The following ZC3H14 variants were observed in gnomAD, a reference collection of about 807,000 sequenced individuals.
ZC3H14 encodes zinc finger CCCH domain-containing protein 14.
A neutral mutation model predicts 92.4 loss-of-function variants in ZC3H14; 31 were observed. That is an observed-to-expected ratio of 0.34 (90% CI 0.25 to 0.45). ZC3H14 has a LOEUF of 0.45. Ranked by LOEUF, ZC3H14 falls within the 20% of genes least tolerant of loss-of-function variation. ZC3H14 has a pLI of 1.00. For missense variants in ZC3H14, 781 were observed against 897.3 expected, an observed-to-expected ratio of 0.87 and a Z score of 1.66; for synonymous variants, 321 against 300.9, an observed-to-expected ratio of 1.07 and a Z score of -0.69.
chr14:88,615,780 G>A lies in ZC3H14; in HGVS notation c.*4029G>A, dbSNP rs1326608537. 6.9e-6 allele frequency: 11 copies of A among 1,598,672 alleles called. No homozygotes were observed. Among genetic ancestry groups the A allele is most frequent in the South Asian group, 2.3e-5 (2 of 87,764 alleles). ...TTTGGTTTTTCTTCTCTGTAATTCT[G>A]GTCTCAAAGTTAATTTCTGTAGTCA... On this transcript the variant is annotated 3_prime_UTR_variant, in exon 17 of 17. Coordinates refer to ENST00000251038, the MANE Select transcript of ZC3H14 (RefSeq NM_024824.5).
chr14:88,597,912 T>A (rs1256253195), intron 10 of ZC3H14, among the ~76,000 whole-genome samples: 1 of 152,248 alleles, frequency 6.6e-6, no homozygotes, highest in African/African-American at 2.4e-5. Context: ...GGCTTATGAA[T>A]GACTGCAGTC....
chr14:88,594,329 A>G, intron 9 of ZC3H14: 1 of 933,138 alleles, frequency 1.1e-6, no homozygotes, highest in East Asian at 9.4e-5. Flanking sequence ...TAAATAATAG[A>G]AAATTCTTTG....
chr14:88,620,712 A>G lies in ZC3H14; in HGVS notation c.*8961A>G. 1 of 1,418,214 alleles carries G rather than the reference A, an allele frequency of 7.1e-7. No individual in the cohort carries two copies. The highest frequency in any genetic ancestry group is 9.2e-7 in the Non-Finnish European group (1 of 1,083,960). The allele number at this position is 1,418,214 out of a possible 1,614,324, so 87.9% of individuals were successfully genotyped here. ...GGAAAATTTTACAAATGGAAGTTAAATCAAGTATATACTAGAAACTCTATT... is the reference window on the plus strand; with the variant it reads ...GGAAAATTTTACAAATGGAAGTTAAGTCAAGTATATACTAGAAACTCTATT... On this transcript the variant is annotated 3_prime_UTR_variant, in exon 17 of 17. Transcript: ENST00000251038. This position sits in a 1 kb window ranked among gnomAD's most constrained non-coding sequence, Gnocchi z 4.3.
In ZC3H14 at chr14:88,571,134, AT is replaced by A; in HGVS notation, c.235+11del. ...CGCTCTGTTACAACTGGTAAGATTC[AT>A]AACTTTTTTTTTTAATTTCTGCTTG... On this transcript the variant is annotated intron_variant, in intron 4 of 16. Coordinates refer to ENST00000251038, the MANE Select transcript of ZC3H14 (RefSeq NM_024824.5). 6.5e-7 allele frequency: 1 copy of A among 1,527,390 alleles called. No homozygotes were observed. Among genetic ancestry groups the A allele is most frequent in the Non-Finnish European group, 8.9e-7 (1 of 1,129,004 alleles). The allele number at this position is 1,527,390 out of a possible 1,614,324, so 94.6% of individuals were successfully genotyped here.
chr14:88,608,398 GTGTC>G (rs1404618070), intron 13 of ZC3H14: 5 of 423,238 alleles, frequency 1.2e-5, no homozygotes, highest in Non-Finnish European at 2.3e-5. Context: ...TTTCAGTTTA[GTGTC>G]TGTATCTTAC....
At chr14:88,563,367 A>C in intron 1 of ZC3H14, 198 bp downstream of exon 1, 1 of 1,444,268 alleles carries the variant, frequency 6.9e-7, no homozygotes, top group Non-Finnish European at 9.0e-7. Flanking sequence ...CTGCGGCTGA[A>C]GTAGCCGCCG....
At chr14:88,581,051 T>C (rs1244872139) in intron 9 of ZC3H14, among the ~76,000 whole-genome samples, 2 of 152,232 alleles carry the variant, frequency 1.3e-5, no homozygotes, top group African/African-American at 4.8e-5. Flanking sequence ...CCATGAACTT[T>C]TCTTAGGAAA....
chr14:88,565,582 A>C (rs1361826759), intron 2 of ZC3H14, among the ~76,000 whole-genome samples: 1 of 152,222 alleles, frequency 6.6e-6, no homozygotes, highest in African/African-American at 2.4e-5. Flanking sequence ...AGTGGATTAA[A>C]GATTTATTTA....
intron 10 of ZC3H14, among the ~76,000 whole-genome samples, chr14:88,600,890 C>A (rs1486397907): frequency 6.6e-6 from 1 of 152,192 alleles, no homozygotes; most frequent in African/African-American, 2.4e-5. Flanking sequence ...ACATTCTAAC[C>A]TTTCTCAGAT....
intron 7 of ZC3H14, 137 bp from the exon 8 acceptor site, chr14:88,575,703 G>A (rs2081074127): frequency 3.0e-6 from 2 of 656,924 alleles, no homozygotes; most frequent in South Asian, 1.9e-5. Flanking sequence ...AGGTTCCAGT[G>A]TAGTTGGCAT....
At chr14:88,594,980 A>T in intron 9 of ZC3H14, 1 of 1,613,966 alleles carries the variant, frequency 6.2e-7, no homozygotes, top group Non-Finnish European at 8.5e-7. Context: ...TCATCTTTGG[A>T]GGTTAAAATG....
Position 88,619,050 on chromosome 14 carries a change from T to TA in ZC3H14, c.*7304dup. The TA allele has an allele frequency of 3.1e-6, 1 of 326,710 alleles. No individual in the cohort carries two copies. The highest frequency in any genetic ancestry group is 5.4e-6 in the Non-Finnish European group (1 of 183,636). 20.2% of individuals were successfully genotyped at this position (326,710 alleles called of 1,614,324 possible). A position where few individuals can be genotyped will look rare whatever the true frequency, so the allele number is the denominator to read the frequency against. ...CCCAATTGTCATCTCCCAATTCCTT[T>TA]AAAAACGTCTAATGGCTTAAAAAAA... On this transcript the variant is annotated 3_prime_UTR_variant, in exon 17 of 17. Transcript: ENST00000251038.
chr14:88,563,271 C>T (rs1385967433), intron 1 of ZC3H14, 102 bp downstream of exon 1: 47 of 1,539,854 alleles, frequency 3.1e-5, no homozygotes, highest in Non-Finnish European at 4.0e-5. Flanking sequence ...CGCGGCCTGG[C>T]CTCCGCTGGA....
rs896551770 is a variant in ZC3H14 at position 88,617,932 on chromosome 14, C to T, written c.*6181C>T. The stretch of plus-strand genomic sequence containing the variant: ...TTAATAACAGTTGCTTAACAGCACC[C>T]AATACCTTTTTGCCAGTCATTAAAT... On this transcript the variant is annotated 3_prime_UTR_variant, in exon 17 of 17. Transcript: ENST00000251038. 1 of 223,114 alleles carries T rather than the reference C, an allele frequency of 4.5e-6. No homozygotes were observed. The highest frequency in any genetic ancestry group is 8.9e-6 in the Non-Finnish European group (1 of 112,816). 13.8% of individuals were successfully genotyped at this position (223,114 alleles called of 1,614,324 possible). A position where few individuals can be genotyped will look rare whatever the true frequency, so the allele number is the denominator to read the frequency against.
chr14:88,595,129 G>A (rs541639204), intron 9 of ZC3H14: 3 of 1,604,378 alleles, frequency 1.9e-6, no homozygotes, highest in Admixed American at 1.7e-5. Context: ...CTTAATATAT[G>A]ATATGTTCTA....
chr14:88,585,046 G>A (rs866769050), intron 9 of ZC3H14, among the ~76,000 whole-genome samples: 19 of 152,208 alleles, frequency 1.2e-4, no homozygotes, highest in Admixed American at 9.2e-4. Flanking sequence ...AAAGTTGTAT[G>A]TGGGTTTTCA....
intron 8 of ZC3H14, among the ~76,000 whole-genome samples, chr14:88,577,310 CTT>C (rs1433496996): frequency 3.3e-5 from 5 of 152,140 alleles, no homozygotes; most frequent in African/African-American, 2.4e-5. Context: ...AGTTCCATGA[CTT>C]TGAAATTTTC....
chr14:88,566,932 A>G (rs2079723359), intron 2 of ZC3H14, among the ~76,000 whole-genome samples: 1 of 151,770 alleles, frequency 6.6e-6, no homozygotes, highest in Admixed American at 6.5e-5. Context: ...AAGAAAAAAA[A>G]AAAAAAGAGA....
chr14:88,572,223 C>T lies in ZC3H14; in HGVS notation c.429C>T (p.Val143=), dbSNP rs144937491. ...TSSQESKTTN[V]RQTYDDGAAT... Reference sequence around the variant, plus strand: ...CGCAGGAGTCAAAAACCACAAATGTCAGGTAAGAGTCTGGTGTAGACCTGC... The same window carrying T: ...CGCAGGAGTCAAAAACCACAAATGTTAGGTAAGAGTCTGGTGTAGACCTGC... Residue 143 remains valine, a splice_region_variant and synonymous_variant, in exon 5 of 17, where the codon GTC becomes GTT. Coordinates refer to ENST00000251038, the MANE Select transcript of ZC3H14 (RefSeq NM_024824.5). The T allele has an allele frequency of 3.8e-5, 61 of 1,614,042 alleles. No individual in the cohort carries two copies. The African/African-American group carries it at 6.4e-4, about 17-fold the overall frequency.
Sources: gnomAD v4.1 joint callset for allele counts (sites outside exome capture counted in the v4.1 genomes callset) on GRCh38, gnomAD v4.1.1 for gene constraint, Gnocchi (gnomAD v3.1) non-coding constraint, MANE v1.5 for transcripts, NCBI Gene and HGNC (gene_info 2026-07-23, HGNC 2026-07-21) for gene names.